LRFN5: variants seen among roughly 807,000 people sequenced by gnomAD.
LRFN5 encodes leucine-rich repeat and fibronectin type-III domain-containing protein 5.
A neutral mutation model predicts 45.6 loss-of-function variants in LRFN5; 24 were observed. The observed-to-expected ratio is 0.53, with a 90% CI of 0.38 to 0.74. LRFN5 has a LOEUF of 0.74. Ranked by LOEUF, LRFN5 falls within the 30% of genes least tolerant of loss-of-function variation. The pLI is 0.00. For missense variants in LRFN5, 776 were observed against 861.5 expected (o/e 0.90, Z 1.24); for synonymous variants, 340 against 313.8 (o/e 1.08, Z -0.88).
intron 1 of LRFN5, among the ~76,000 whole-genome samples, chr14:41,676,922 A>G (rs921743798): frequency 2.0e-5 from 3 of 152,216 alleles, no homozygotes; most frequent in African/African-American, 4.8e-5. Context: ...TATGCTACAC[A>G]TTTTGAGATC....
At chr14:41,788,546 A>T (rs969316551) in intron 2 of LRFN5, among the ~76,000 whole-genome samples, 1 of 143,000 alleles carries the variant, frequency 7.0e-6, no homozygotes, top group Non-Finnish European at 1.6e-5. Context: ...AATTTAAAAA[A>T]TTATGTTTAA....
chr14:41,844,299 T>C lies in LRFN5; in HGVS notation c.-20-42307T>C, dbSNP rs1057321074. Among the ~76,000 whole-genome samples, 19 of 151,930 alleles carry C rather than the reference T, an allele frequency of 1.3e-4. No individual in the cohort carries two copies. In the East Asian group the frequency reaches 1.9e-3, roughly 16 times the overall value. ...AAAAATACAAAAAATTAGCCAGGCG[T>C]GGTGGTGGGCACCTGTAGTCCCAGC... is the stretch of plus-strand genomic sequence containing the variant. On this transcript the variant is annotated intron_variant, in intron 2 of 5. Coordinates refer to ENST00000298119, the MANE Select transcript of LRFN5 (RefSeq NM_152447.5).
intron 1 of LRFN5, among the ~76,000 whole-genome samples, chr14:41,725,629 G>A (rs1358220613): frequency 1.3e-5 from 2 of 152,112 alleles, no homozygotes; most frequent in African/African-American, 4.8e-5. Context: ...CTGTTTGTTA[G>A]GAGTTGGTAA....
chr14:41,654,567 C>G lies in LRFN5; in HGVS notation c.-197+46005C>G, dbSNP rs115745148. On this transcript the variant is annotated intron_variant, in intron 1 of 5. Transcript: ENST00000298119. ...TTTCAGGTTTGGAGCAGAAGGAGGTCTCAGTAAAAAACATTCCATGAACTA... is the reference window on the plus strand; with the variant it reads ...TTTCAGGTTTGGAGCAGAAGGAGGTGTCAGTAAAAAACATTCCATGAACTA... Among the ~76,000 whole-genome samples the G allele has an allele frequency of 2.9e-3, 435 of 151,968 alleles. 5 individuals carry two copies. Among genetic ancestry groups the G allele is most frequent in the African/African-American group, 1.0e-2 (414 of 41,460 alleles).
intron 1 of LRFN5, chr14:41,733,356 A>G (rs1483314088): frequency 4.6e-5 from 7 of 152,132 alleles, no homozygotes; most frequent in Non-Finnish European, 7.4e-5. Context: ...AACGATACTA[A>G]TAAGTAACTT....
At chr14:41,816,530 A>G (rs980949797) in intron 2 of LRFN5, among the ~76,000 whole-genome samples, 1 of 151,904 alleles carries the variant, frequency 6.6e-6, no homozygotes, top group Non-Finnish European at 1.5e-5. Flanking sequence ...TTCATTTTTG[A>G]AGGATAATTT....
chr14:41,610,800 T>C (rs1887731099), intron 1 of LRFN5, among the ~76,000 whole-genome samples: 1 of 151,860 alleles, frequency 6.6e-6, no homozygotes, highest in African/African-American at 2.4e-5. Context: ...TTTAATGAAT[T>C]TACTTCTAAT....
intron 2 of LRFN5, among the ~76,000 whole-genome samples, chr14:41,773,015 G>A (rs1490809923): frequency 6.6e-6 from 1 of 152,052 alleles, no homozygotes; most frequent in East Asian, 1.9e-4. Context: ...TTCTCCACAT[G>A]CAGACAGAGA....
chr14:41,652,590 T>A (rs1594583881), intron 1 of LRFN5, among the ~76,000 whole-genome samples: 1 of 151,912 alleles, frequency 6.6e-6, no homozygotes, highest in South Asian at 2.1e-4. Context: ...GACAGGCTGG[T>A]TTCTACTAGG....
chr14:41,611,725 G>A (rs1209734098), intron 1 of LRFN5, among the ~76,000 whole-genome samples: 1 of 152,120 alleles, frequency 6.6e-6, no homozygotes, highest in Non-Finnish European at 1.5e-5. Flanking sequence ...GATCTAATGT[G>A]TATATGAGCA....
chr14:41,892,043 TGTTA>T, intron 4 of LRFN5, 81 bp downstream of exon 4: 2 of 1,532,508 alleles, frequency 1.3e-6, no homozygotes, highest in Non-Finnish European at 1.7e-6. Flanking sequence ...GGAATACTAT[TGTTA>T]TATTAACTCG....
chr14:41,819,351 TAA>T (rs1888031225), intron 2 of LRFN5, among the ~76,000 whole-genome samples: 1 of 152,156 alleles, frequency 6.6e-6, no homozygotes, highest in Admixed American at 6.6e-5. Flanking sequence ...CAATAATGTA[TAA>T]GTGTTCCCTT....
chr14:41,669,853 G>T (rs1192230980), intron 1 of LRFN5, among the ~76,000 whole-genome samples: 1 of 151,404 alleles, frequency 6.6e-6, no homozygotes, highest in East Asian at 1.9e-4. Context: ...AAAATGGAAT[G>T]CTCTCTGACT....
intron 5 of LRFN5, among the ~76,000 whole-genome samples, chr14:41,903,716 A>G (rs1891166207): frequency 6.6e-6 from 1 of 151,948 alleles, no homozygotes; most frequent in African/African-American, 2.4e-5. Context: ...ATGTATTATT[A>G]AATATTTGTA....
intron 1 of LRFN5, among the ~76,000 whole-genome samples, chr14:41,696,661 GACTA>G (rs919850279): frequency 2.0e-5 from 3 of 151,856 alleles, no homozygotes; most frequent in Admixed American, 6.6e-5. Flanking sequence ...TTCCACAATG[GACTA>G]ACTAACTTAT....
At chr14:41,772,122 G>A (rs1027435025) in intron 2 of LRFN5, among the ~76,000 whole-genome samples, 2 of 152,048 alleles carry the variant, frequency 1.3e-5, no homozygotes, top group Non-Finnish European at 2.9e-5. Context: ...AGAGCGAGGG[G>A]GGAGATGATA....
intron 2 of LRFN5, among the ~76,000 whole-genome samples, chr14:41,784,851 A>G (rs958426938): frequency 6.6e-6 from 1 of 151,882 alleles, no homozygotes; most frequent in East Asian, 1.9e-4. Flanking sequence ...CTGGTCTCGA[A>G]CTCCTGATCT....
chr14:41,807,629 A>G (rs936528328), intron 2 of LRFN5, among the ~76,000 whole-genome samples: 2 of 152,156 alleles, frequency 1.3e-5, no homozygotes, highest in African/African-American at 4.8e-5. Context: ...GTTAGAAAGC[A>G]CAGACCACCC....
At chr14:41,709,988 G>GT (rs924912408) in intron 1 of LRFN5, among the ~76,000 whole-genome samples, 57 of 151,046 alleles carry the variant, frequency 3.8e-4, no homozygotes, top group Non-Finnish European at 5.6e-4. Flanking sequence ...CCTGTATTCA[G>GT]TTTTTTTTTC....
Sources: gnomAD v4.1 joint callset for allele counts (sites outside exome capture counted in the v4.1 genomes callset) on GRCh38, gnomAD v4.1.1 for gene constraint, MANE v1.5 for transcripts, NCBI Gene and HGNC (gene_info 2026-07-23, HGNC 2026-07-21) for gene names.